DUSP8: variants seen among roughly 807,000 people sequenced by gnomAD.
DUSP8 encodes dual specificity protein phosphatase 8.
A neutral mutation model predicts 38.7 loss-of-function variants in DUSP8; 15 were observed. That is an observed-to-expected ratio of 0.39 (90% CI 0.26 to 0.60). The LOEUF is 0.60. DUSP8 is among the 20% of genes least tolerant of loss of function. The pLI is 0.56. For synonymous variants in DUSP8, 458 were observed against 433.9 expected (o/e 1.06, Z -0.69); for missense variants, 768 against 915.0 (o/e 0.84, Z 2.07).
intron 3 of DUSP8, among the ~76,000 whole-genome samples, chr11:1,561,260 G>T (rs544686383): frequency 6.6e-6 from 1 of 152,124 alleles, no homozygotes; most frequent in Admixed American, 6.5e-5. Context: ...CTGGGGCAGC[G>T]CCTGCAGTTC....
At position 1,565,577 on chromosome 11, in the gene DUSP8, T is replaced by G; in HGVS notation, c.231+19A>C. The G allele has an allele frequency of 6.3e-7, 1 of 1,582,240 alleles. No individual in the cohort carries two copies. Among genetic ancestry groups the G allele is most frequent in the Non-Finnish European group, 8.6e-7 (1 of 1,158,992 alleles). On this transcript the variant is annotated intron_variant, in intron 2 of 6. Transcript: ENST00000397374. ...GACCCTGGACGTGATGCATGCCTGG[T>G]GGGCAGTGGGCTGGGTACCTGGCTG...
chr11:1,557,395 G>GGTGGCAGCC lies in DUSP8; in HGVS notation c.992_1000dup (p.Arg331_Pro333dup), dbSNP rs1403550298. 7 of 1,571,282 alleles carry GGTGGCAGCC rather than the reference G, an allele frequency of 4.5e-6. No individual in the cohort carries two copies. The highest frequency in any genetic ancestry group is 6.0e-6 in the Non-Finnish European group (7 of 1,169,916). On this transcript the variant is annotated inframe_insertion, in exon 7 of 7. Coordinates refer to ENST00000397374, the MANE Select transcript of DUSP8 (RefSeq NM_004420.3). This position sits in a 1 kb window ranked among gnomAD's most constrained non-coding sequence, Gnocchi z 9.9. ...TGTGGCAGCGCTCTCTGAGGTAGGT[G>GGTGGCAGCC]GTGGCAGCCGTGGCAGCGGGGCCCC...
chr11:1,570,378 A>G (rs1848868743), intron 1 of DUSP8, among the ~76,000 whole-genome samples: 1 of 151,916 alleles, frequency 6.6e-6, no homozygotes, highest in Non-Finnish European at 1.5e-5. Context: ...CCTCTCTCTC[A>G]CTGTGGGTCT....
At chr11:1,566,499 C>T (rs1848806517) in intron 1 of DUSP8, among the ~76,000 whole-genome samples, 1 of 152,186 alleles carries the variant, frequency 6.6e-6, no homozygotes, top group South Asian at 2.1e-4. Context: ...GGGCTGCCTC[C>T]ACTGGAGAGT....
rs1200848472 is a variant in DUSP8 at position 1,556,341 on chromosome 11, C to T, written c.*177G>A. Reference sequence around the variant, plus strand: ...AGACAGTAAAAATAGAGCTCGAGGACCACCCGCACTGTTGCCAAATCATTG... The same window carrying T: ...AGACAGTAAAAATAGAGCTCGAGGATCACCCGCACTGTTGCCAAATCATTG... On this transcript the variant is annotated 3_prime_UTR_variant, in exon 7 of 7. Transcript: ENST00000397374. The surrounding 1 kb of genome is among the most constrained non-coding windows in gnomAD (Gnocchi z 5.2). 3.7e-6 allele frequency: 3 copies of T among 821,358 alleles called. No individual in the cohort carries two copies. Among genetic ancestry groups the T allele is most frequent in the East Asian group, 3.4e-5 (1 of 29,672 alleles). The allele number at this position is 821,358 out of a possible 1,614,324, so 50.9% of individuals were successfully genotyped here.
At position 1,557,541 on chromosome 11, in the gene DUSP8, G is replaced by T. The variant is rs1661663060; in HGVS notation, c.855C>A (p.Pro285=). The change falls in exon 7 of 7, where the codon CCC becomes CCA. Residue 285 remains proline, a synonymous_variant. Transcript: ENST00000397374. The surrounding 1 kb of genome is among the most constrained non-coding windows in gnomAD (Gnocchi z 9.9). ...GCAGCTGGCCCAGGAAGTTGAAGTTGGGCGAGATGGACGGGCGCCTGTCCT... is the reference window on the plus strand; with the variant it reads ...GCAGCTGGCCCAGGAAGTTGAAGTTTGGCGAGATGGACGGGCGCCTGTCCT... ...FVKDRRPSIS[P]NFNFLGQLLE... The T allele has an allele frequency of 6.3e-7, 1 of 1,590,918 alleles. No homozygotes were observed. Among genetic ancestry groups the T allele is most frequent in the East Asian group, 2.2e-5 (1 of 44,504 alleles).
rs1186620039 is a variant in DUSP8 at position 1,558,017 on chromosome 11, G to A, written c.697+95C>T. The A allele has an allele frequency of 1.1e-5, 17 of 1,610,220 alleles. No homozygotes were observed. The highest frequency in any genetic ancestry group is 1.7e-5 in the Admixed American group (1 of 59,970). ...CACCCGCCCAACTGCCAACAGTTCC[G>A]GCTACTTCCTGGGGACCCCTCCTGT... On this transcript the variant is annotated intron_variant, in intron 5 of 6. Coordinates refer to ENST00000397374, the MANE Select transcript of DUSP8 (RefSeq NM_004420.3). This position sits in a 1 kb window ranked among gnomAD's most constrained non-coding sequence, Gnocchi z 6.3.
upstream of DUSP8, among the ~76,000 whole-genome samples, chr11:1,572,579 C>A (rs1848925330): frequency 1.3e-5 from 2 of 151,570 alleles, no homozygotes; most frequent in Non-Finnish European, 2.9e-5. This position sits in a 1 kb window ranked among gnomAD's most constrained non-coding sequence, Gnocchi z 4.7. Context: ...TCACCCAGGC[C>A]CCCCGTCACC....
intron 1 of DUSP8, among the ~76,000 whole-genome samples, chr11:1,567,040 A>G (rs1250267605): frequency 1.3e-5 from 2 of 152,118 alleles, no homozygotes; most frequent in Admixed American, 6.5e-5. Context: ...TGCTTTAACT[A>G]TGGGGAAACC....
At chr11:1,566,697 G>A (rs955197516) in intron 1 of DUSP8, among the ~76,000 whole-genome samples, 4 of 152,322 alleles carry the variant, frequency 2.6e-5, no homozygotes, top group East Asian at 1.9e-4. Flanking sequence ...CTCCCCTAGC[G>A]GAGCCTGGGG....
rs1848594066 is a variant in DUSP8, at chr11:1,554,632, G to C, written c.*1886C>G. On this transcript the variant is annotated 3_prime_UTR_variant, in exon 7 of 7. Coordinates refer to ENST00000397374, the MANE Select transcript of DUSP8 (RefSeq NM_004420.3). ...TCAACGGCCTGCAGAAGGGACAAGG[G>C]GAAGGGGGAAGGGAGAAGGGGGCCC... 3.8e-5 allele frequency: 38 copies of C among 987,238 alleles called. No individual in the cohort carries two copies. Among genetic ancestry groups the C allele is most frequent in the Non-Finnish European group, 4.5e-5 (37 of 829,662 alleles). The allele number at this position is 987,238 out of a possible 1,614,324, so 61.2% of individuals were successfully genotyped here.
At chr11:1,568,209 C>T (rs1848834813) in intron 1 of DUSP8, among the ~76,000 whole-genome samples, 2 of 152,184 alleles carry the variant, frequency 1.3e-5, no homozygotes, top group Admixed American at 1.3e-4. Flanking sequence ...GGGAGGAGGG[C>T]AGGTGTGAGG....
rs1335110645 is a variant in DUSP8 at position 1,557,529 on chromosome 11, G to A, written c.867C>T (p.Phe289=). ...RRPSISPNFN[F]LGQLLEYERS... is the part of the protein sequence containing the mutation. Reference sequence around the variant, plus strand: ...GCTCGTACTCCAGCAGCTGGCCCAGGAAGTTGAAGTTGGGCGAGATGGACG... The same window carrying A: ...GCTCGTACTCCAGCAGCTGGCCCAGAAAGTTGAAGTTGGGCGAGATGGACG... Residue 289 remains phenylalanine, a synonymous_variant, in exon 7 of 7, where the codon TTC becomes TTT. Coordinates refer to ENST00000397374, the MANE Select transcript of DUSP8 (RefSeq NM_004420.3). This position sits in a 1 kb window ranked among gnomAD's most constrained non-coding sequence, Gnocchi z 9.9. 1.9e-6 allele frequency: 3 copies of A among 1,591,996 alleles called. No individual in the cohort carries two copies. Among genetic ancestry groups the A allele is most frequent in the Non-Finnish European group, 2.5e-6 (3 of 1,177,192 alleles).
intron 3 of DUSP8, among the ~76,000 whole-genome samples, chr11:1,563,367 G>C (rs749679472): frequency 1.3e-5 from 2 of 152,170 alleles, no homozygotes; most frequent in African/African-American, 4.8e-5. Flanking sequence ...CCTGCCTCCA[G>C]GGCTTGGGGC....
At chr11:1,571,561 T>C (rs913184950) in intron 1 of DUSP8, 2 of 151,838 alleles carry the variant, frequency 1.3e-5, no homozygotes, top group Non-Finnish European at 2.9e-5. Context: ...CTCGCGCAGA[T>C]CCGCGCTGGA....
At chr11:1,564,026 C>T (rs1848763559) in intron 2 of DUSP8, 37 bp from the exon 3 acceptor site, 5 of 1,411,896 alleles carry the variant, frequency 3.5e-6, no homozygotes, top group Non-Finnish European at 4.7e-6. Context: ...ATGCCGCCTC[C>T]ACCTATCGAT....
Position 1,557,332 on chromosome 11 carries a change from C to A in DUSP8, c.1064G>T (p.Gly355Val), listed in dbSNP as rs750387823. The A allele has an allele frequency of 1.3e-6, 2 of 1,520,820 alleles. No individual in the cohort carries two copies. Among genetic ancestry groups the A allele is most frequent in the East Asian group, 5.1e-5 (2 of 38,980 alleles). The allele number at this position is 1,520,820 out of a possible 1,614,324, so 94.2% of individuals were successfully genotyped here. Residue 355 changes from glycine (G) to valine (V), a missense_variant, in exon 7 of 7, where the codon GGC becomes GTC. Coordinates refer to ENST00000397374, the MANE Select transcript of DUSP8 (RefSeq NM_004420.3). The surrounding 1 kb of genome is among the most constrained non-coding windows in gnomAD (Gnocchi z 9.9). ...AAAREGGLSAGGEPPAPPTPP... is the reference protein window; with the variant it reads ...AAAREGGLSAVGEPPAPPTPP... ...CGTGGGGGGCGCGGGGGGCTCCCCG[C>A]CCGCGCTCAGGCCGCCCTCCCTGGC... is the stretch of plus-strand genomic sequence containing the variant.
chr11:1,566,467 C>G (rs879406465), intron 1 of DUSP8, among the ~76,000 whole-genome samples: 9 of 152,162 alleles, frequency 5.9e-5, no homozygotes, highest in Non-Finnish European at 8.8e-5. Context: ...GATAATCCAG[C>G]CCCTGGTGGA....
At chr11:1,563,454 C>T (rs964395865) in intron 3 of DUSP8, among the ~76,000 whole-genome samples, 13 of 152,190 alleles carry the variant, frequency 8.5e-5, no homozygotes, top group African/African-American at 3.1e-4. Context: ...GCCTTGGTGC[C>T]AGGCTGTTGC....
Sources: gnomAD v4.1 joint callset for allele counts (sites outside exome capture counted in the v4.1 genomes callset) on GRCh38, gnomAD v4.1.1 for gene constraint, Gnocchi (gnomAD v3.1) non-coding constraint, MANE v1.5 for transcripts, NCBI Gene and HGNC (gene_info 2026-07-23, HGNC 2026-07-21) for gene names.